The following ABCC5 variants were observed in gnomAD, a reference collection of about 807,000 sequenced individuals.
The protein encoded by ABCC5 is ATP-binding cassette sub-family C member 5.
ABCC5 carries 61 observed loss-of-function variants against 160.9 expected under a neutral mutation model. The observed-to-expected ratio is 0.38, with a 90% CI of 0.31 to 0.47. ABCC5 has a LOEUF of 0.47. Among genes scored for constraint, ABCC5 ranks in the 20% least tolerant of loss-of-function variants. The probability of loss-of-function intolerance (pLI) is 0.99; values close to 1 mark genes in which losing one functional copy is unlikely to be tolerated. For missense variants in ABCC5, 1,308 were observed against 1,813.3 expected (o/e 0.72, Z 5.06); for synonymous variants, 666 against 700.6 (o/e 0.95, Z 0.78).
rs913961639 is a variant in ABCC5 at position 183,987,412 on chromosome 3, C to G, written c.591+358G>C. ...TATGTTCCCGGTGCTGGCTCACCAG[C>G]CCGGGCCACACAACGTGCTCTCACC... On this transcript the variant is annotated intron_variant, in intron 5 of 29. Coordinates refer to ENST00000334444, the MANE Select transcript of ABCC5 (RefSeq NM_005688.4). The surrounding 1 kb of genome is among the most constrained non-coding windows in gnomAD (Gnocchi z 4.2). 2 of 526,410 alleles carry G rather than the reference C, an allele frequency of 3.8e-6. No individual in the cohort carries two copies. The highest frequency in any genetic ancestry group is 6.8e-6 in the Non-Finnish European group (2 of 296,224). The allele number at this position is 526,410 out of a possible 1,614,324, so 32.6% of individuals were successfully genotyped here.
At position 183,953,235 on chromosome 3, in the gene ABCC5, A is replaced by C. The variant is rs201817590; in HGVS notation, c.2518T>G (p.Ser840Ala). ...LVQLEEKGQG[S>A]VPWSVYGVYI... ...ACACCATATACTGACCAGGGCACTG[A>C]ACCCTGCCCTTTCTCTTCCAGCTGC... Residue 840 changes from serine to alanine, a missense_variant, in exon 18 of 30, where the codon TCA (serine) becomes GCA (alanine). Coordinates refer to ENST00000334444, the MANE Select transcript of ABCC5 (RefSeq NM_005688.4). 5.2e-5 allele frequency: 84 copies of C among 1,612,782 alleles called. No individual in the cohort carries two copies. The African/African-American group carries it at 1.0e-3, about 20-fold the overall frequency.
At chr3:183,955,029 TG>T (rs1715736000) in intron 17 of ABCC5, among the ~76,000 whole-genome samples, 1 of 151,796 alleles carries the variant, frequency 6.6e-6, no homozygotes, top group Non-Finnish European at 1.5e-5. Flanking sequence ...GCTTGAGTGG[TG>T]GGGGAGTGGT....
At chr3:183,984,157 A>G (rs1576896970) in intron 5 of ABCC5, 1 of 985,376 alleles carries the variant, frequency 1.0e-6, no homozygotes, top group South Asian at 4.7e-5. Context: ...GGCTGGTGCT[A>G]CTGGTGCACT....
chr3:183,989,157 CAAAAAAAAA>C (rs34892836), intron 3 of ABCC5, 60 bp downstream of exon 3: 3,398 of 568,566 alleles, frequency 6.0e-3, no homozygotes, highest in East Asian at 0.022. Flanking sequence ...GACTCCATCT[CAAAAAAAAA>C]AAAAAAAAAA....
chr3:183,952,221 A>C (rs542494265), intron 18 of ABCC5, among the ~76,000 whole-genome samples: 1 of 146,380 alleles, frequency 6.8e-6, no homozygotes, highest in East Asian at 2.0e-4. Flanking sequence ...ATCATGGCTC[A>C]CTGCACCCTC....
At chr3:184,013,533 C>T (rs964567582) in intron 2 of ABCC5, among the ~76,000 whole-genome samples, 1 of 152,138 alleles carries the variant, frequency 6.6e-6, no homozygotes, top group Admixed American at 6.5e-5. Flanking sequence ...GGATTACAAG[C>T]ATGAGCCACT....
intron 5 of ABCC5, chr3:183,984,379 A>T: frequency 2.0e-6 from 2 of 989,504 alleles, no homozygotes; most frequent in Non-Finnish European, 2.4e-6. Context: ...CCACCCTTCT[A>T]CCCAGGTGCC....
intron 24 of ABCC5, among the ~76,000 whole-genome samples, chr3:183,944,883 C>T (rs1313133712): frequency 2.0e-5 from 3 of 152,130 alleles, no homozygotes; most frequent in South Asian, 2.1e-4. Context: ...AATCTCATCT[C>T]GAATTGTATA....
rs547816863 is a variant in ABCC5 at position 183,989,669 on chromosome 3, T to C, written c.130-286A>G. Among the ~76,000 whole-genome samples, 20 of 152,210 alleles carry C rather than the reference T, an allele frequency of 1.3e-4. No homozygotes were observed. The East Asian group carries it at 3.9e-3, about 29-fold the overall frequency. ...TACAGAATGCTCCCATATACCTCTG[T>C]ACCTCTCCCGTCCTCCTCATCTGTT... is the stretch of plus-strand genomic sequence containing the variant. On this transcript the variant is annotated intron_variant, in intron 2 of 29. Coordinates refer to ENST00000334444, the MANE Select transcript of ABCC5 (RefSeq NM_005688.4).
Position 183,988,063 on chromosome 3 carries a change from C to T in ABCC5, c.444-146G>A, listed in dbSNP as rs2108866544. The T allele has an allele frequency of 1.1e-6, 1 of 884,896 alleles. No individual in the cohort carries two copies. 54.8% of individuals were successfully genotyped at this position (884,896 alleles called of 1,614,324 possible). ...AAATTATGTACATAGTCTTCACCTT[C>T]TGGGAAAAAATACCCTTCCTAGGGA... On this transcript the variant is annotated intron_variant, in intron 4 of 29. Coordinates refer to ENST00000334444, the MANE Select transcript of ABCC5 (RefSeq NM_005688.4). This position sits in a 1 kb window ranked among gnomAD's most constrained non-coding sequence, Gnocchi z 4.4.
At chr3:183,945,793 G>T in intron 24 of ABCC5, 57 bp downstream of exon 24, 2 of 1,452,438 alleles carry the variant, frequency 1.4e-6, no homozygotes, top group South Asian at 2.3e-5. Context: ...AGGCAGCAAA[G>T]GGTAAACCGA....
Position 183,942,797 on chromosome 3 carries a change from G to A in ABCC5, c.3624C>T (p.Leu1208=), listed in dbSNP as rs3749442. 0.18 allele frequency: 295,195 copies of A among 1,613,770 alleles called. 28,538 individuals carry two copies. Among genetic ancestry groups the A allele is most frequent in the East Asian group, 0.39 (17,611 of 44,838 alleles). The change falls in exon 25 of 30, where the codon CTC becomes CTT. Residue 1208 remains leucine, a synonymous_variant. Coordinates refer to ENST00000334444, the MANE Select transcript of ABCC5 (RefSeq NM_005688.4). ...AEMRYRENLP[L]VLKKVSFTIK... is the part of the protein sequence containing the mutation. ...TCGTGAAGGATACTTTCTTTAGGACGAGAGGGAGGTTTTCTCGGTACCTCA... is the reference window on the plus strand; with the variant it reads ...TCGTGAAGGATACTTTCTTTAGGACAAGAGGGAGGTTTTCTCGGTACCTCA...
chr3:183,985,374 A>G, intron 5 of ABCC5: 1 of 1,613,948 alleles, frequency 6.2e-7, no homozygotes, highest in Non-Finnish European at 8.5e-7. Flanking sequence ...GCCATCCTGA[A>G]AATTCTAAAG....
In ABCC5 at chr3:183,949,412, T is replaced by C. The variant is rs910904200; in HGVS notation, c.3227+341A>G. Among the ~76,000 whole-genome samples, 1 of 152,214 alleles carries C rather than the reference T, an allele frequency of 6.6e-6. No homozygotes were observed. The highest frequency in any genetic ancestry group is 2.4e-5 in the African/African-American group (1 of 41,464). On this transcript the variant is annotated intron_variant, in intron 22 of 29. Transcript: ENST00000334444. The surrounding 1 kb of genome is among the most constrained non-coding windows in gnomAD (Gnocchi z 4.2). Reference sequence around the variant, plus strand: ...TAGACTCCTAATCTGTGGGGTTTGTTCCTTGTATTTTGTTTTGAGATGGGG... The same window carrying C: ...TAGACTCCTAATCTGTGGGGTTTGTCCCTTGTATTTTGTTTTGAGATGGGG...
chr3:183,937,811 T>C, intron 26 of ABCC5, 90 bp downstream of exon 26: 1 of 1,423,606 alleles, frequency 7.0e-7, no homozygotes, highest in African/African-American at 1.4e-5. Context: ...GAGCTCATGG[T>C]CCCAGGGGGC....
chr3:183,970,089 T>C (rs936473934), intron 11 of ABCC5, among the ~76,000 whole-genome samples: 10 of 152,294 alleles, frequency 6.6e-5, no homozygotes, highest in South Asian at 6.2e-4. Context: ...ATAAGTCCAA[T>C]CATGTCATTC....
intron 2 of ABCC5, among the ~76,000 whole-genome samples, chr3:184,009,671 TTAG>T (rs1284637554): frequency 2.6e-5 from 4 of 152,224 alleles, no homozygotes; most frequent in Admixed American, 2.6e-4. Context: ...ACAAAAATAC[TTAG>T]TAGCGATGCA....
Position 183,950,111 on chromosome 3 carries a change from G to T in ABCC5, c.2959C>A (p.Pro987Thr), listed in dbSNP as rs1245450112. Residue 987 changes from proline (P) to threonine (T), a missense_variant, in exon 21 of 30, where the codon CCG becomes ACG. Physicochemically the swap from Pro to Thr is conservative, Grantham distance 38. This residue lies in a region of ABCC5 where 1,142 missense variants were observed against 1,527.1 expected (regional missense o/e 0.75). Coordinates refer to ENST00000334444, the MANE Select transcript of ABCC5 (RefSeq NM_005688.4). ...KDMDEVDVRL[P>T]FQAEMFIQNV... ...TGGATGAACATCTCGGCCTGGAACG[G>T]CAGCCGCACGTCAACTGTGGAAACA... 9 of 1,613,538 alleles carry T rather than the reference G, an allele frequency of 5.6e-6. No homozygotes were observed. The highest frequency in any genetic ancestry group is 7.6e-6 in the Non-Finnish European group (9 of 1,179,872).
chr3:183,957,726 A>AAAT (rs1716264525), intron 17 of ABCC5, among the ~76,000 whole-genome samples: 1 of 151,422 alleles, frequency 6.6e-6, no homozygotes, highest in Non-Finnish European at 1.5e-5. Flanking sequence ...ATCCGTGTGT[A>AAAT]CATCACATCG....
Sources: allele counts gnomAD v4.1 joint callset (sites outside exome capture counted in the v4.1 genomes callset), GRCh38; gene constraint gnomAD v4.1.1; regional missense constraint gnomAD v4.1.1; non-coding constraint Gnocchi (gnomAD v3.1); transcripts MANE v1.5; gene names NCBI Gene and HGNC (gene_info 2026-07-23, HGNC 2026-07-21).